The following HECW1 variants were observed in gnomAD, a reference collection of about 807,000 sequenced individuals.
The protein encoded by HECW1 is HECT, C2 and WW domain containing E3 ubiquitin protein ligase 1.
A neutral mutation model predicts 182.3 loss-of-function variants in HECW1; 61 were observed. The observed-to-expected ratio is 0.33, with a 90% CI of 0.27 to 0.41. HECW1 has a LOEUF of 0.41. HECW1 is among the 10% of genes least tolerant of loss of function. The pLI, the probability that HECW1 is intolerant of heterozygous loss-of-function variation, is 1.00. For missense variants in HECW1, 1,739 were observed against 2,108.9 expected, an observed-to-expected ratio of 0.82 and a Z score of 3.44; for synonymous variants, 859 against 832.6, an observed-to-expected ratio of 1.03 and a Z score of -0.55.
intron 2 of HECW1, among the ~76,000 whole-genome samples, chr7:43,185,536 G>A (rs1793319530): frequency 6.6e-6 from 1 of 152,176 alleles, no homozygotes; most frequent in Non-Finnish European, 1.5e-5. Context: ...AATTGAATCG[G>A]AGGACACCCA....
At chr7:43,465,497 GGGTT>G (rs2077733480) in intron 14 of HECW1, among the ~76,000 whole-genome samples, 1 of 152,220 alleles carries the variant, frequency 6.6e-6, no homozygotes, top group Non-Finnish European at 1.5e-5. Context: ...GGCAGTGGCA[GGGTT>G]ACCAGAGAGT....
At chr7:43,450,667 T>A (rs771739416) in intron 11 of HECW1, among the ~76,000 whole-genome samples, 161 bp from the exon 12 acceptor site, 1 of 152,158 alleles carries the variant, frequency 6.6e-6, no homozygotes, top group Non-Finnish European at 1.5e-5. Context: ...ATTTCCCCCC[T>A]CACGAATGAC....
chr7:43,423,542 A>G (rs1322201823), intron 8 of HECW1, among the ~76,000 whole-genome samples: 1 of 152,152 alleles, frequency 6.6e-6, no homozygotes, highest in East Asian at 1.9e-4. Context: ...TCATTTTTCA[A>G]CTTCTGAGGA....
chr7:43,313,295 C>T (rs1218666881), intron 4 of HECW1, among the ~76,000 whole-genome samples: 1 of 150,652 alleles, frequency 6.6e-6, no homozygotes, highest in Non-Finnish European at 1.5e-5. Context: ...AAAGTAGATA[C>T]TATAGATTAA....
chr7:43,178,257 T>C (rs922861023), intron 2 of HECW1, among the ~76,000 whole-genome samples: 2 of 152,168 alleles, frequency 1.3e-5, no homozygotes, highest in Non-Finnish European at 2.9e-5. Context: ...CTGCCCGTCT[T>C]GGCCTCCCAA....
chr7:43,115,345 G>A (rs77082033), intron 2 of HECW1, among the ~76,000 whole-genome samples: 3,694 of 151,426 alleles, frequency 0.024, 123 homozygotes, highest in East Asian at 0.13. Flanking sequence ...TTGGTGGAGG[G>A]TTGGGGAAAA....
chr7:43,405,524 G>A (rs1562940045), intron 7 of HECW1, among the ~76,000 whole-genome samples: 3 of 152,288 alleles, frequency 2.0e-5, no homozygotes, highest in Admixed American at 6.5e-5. Context: ...GTGACAGCAC[G>A]TGGAAATGCT....
intron 6 of HECW1, among the ~76,000 whole-genome samples, chr7:43,378,275 T>C (rs1348233873): frequency 6.6e-6 from 1 of 152,212 alleles, no homozygotes; most frequent in Non-Finnish European, 1.5e-5. Context: ...TTAGCAAATA[T>C]GAGGTGATTT....
chr7:43,545,549 A>C (rs13243945), intron 26 of HECW1, among the ~76,000 whole-genome samples: 20,775 of 152,222 alleles, frequency 0.14, 1,615 homozygotes, highest in East Asian at 0.29. Context: ...TGATTTTCCA[A>C]AAACTTAACT....
At chr7:43,374,374 C>T (rs2074234896) in intron 6 of HECW1, among the ~76,000 whole-genome samples, 1 of 152,008 alleles carries the variant, frequency 6.6e-6, no homozygotes, top group African/African-American at 2.4e-5. Flanking sequence ...ACCTTTTGAC[C>T]AACAGTCACA....
chr7:43,467,198 T>G (rs915603866), intron 15 of HECW1, among the ~76,000 whole-genome samples: 32 of 152,260 alleles, frequency 2.1e-4, no homozygotes, highest in African/African-American at 7.0e-4. Flanking sequence ...GTTCCCATTT[T>G]GAGGAGCAAT....
intron 8 of HECW1, among the ~76,000 whole-genome samples, chr7:43,415,434 C>T (rs1213017428): frequency 1.1e-3 from 168 of 148,296 alleles, no homozygotes; most frequent in African/African-American, 4.0e-3. Context: ...GAGGGTAACC[C>T]GACCTTTCTC....
intron 23 of HECW1, 132 bp from the exon 24 acceptor site, chr7:43,508,837 C>T (rs2079719019): frequency 1.2e-6 from 1 of 858,316 alleles, no homozygotes; most frequent in Admixed American, 2.4e-5. Context: ...GGCATTCACT[C>T]CAAAGAGCAG....
intron 2 of HECW1, among the ~76,000 whole-genome samples, chr7:43,130,060 A>G (rs1786739620): frequency 6.6e-6 from 1 of 152,246 alleles, no homozygotes; most frequent in Non-Finnish European, 1.5e-5. Context: ...ATACATTGCA[A>G]TATGAAATCA....
intron 3 of HECW1, among the ~76,000 whole-genome samples, chr7:43,293,300 C>T (rs187663250): frequency 1.4e-4 from 22 of 151,848 alleles, no homozygotes; most frequent in African/African-American, 4.1e-4. Context: ...ACCCGAGCAG[C>T]GGTTCAAGGG....
chr7:43,486,752 T>C (rs949583686), intron 17 of HECW1, among the ~76,000 whole-genome samples: 7 of 152,230 alleles, frequency 4.6e-5, no homozygotes, highest in Non-Finnish European at 8.8e-5. Flanking sequence ...GGCACATCAC[T>C]GTATGAACAA....
At chr7:43,149,509 T>G (rs1789069970) in intron 2 of HECW1, among the ~76,000 whole-genome samples, 1 of 152,202 alleles carries the variant, frequency 6.6e-6, no homozygotes. Flanking sequence ...TAATGTGGGA[T>G]CTTGGATTGA....
chr7:43,221,345 C>T (rs1487994598), intron 2 of HECW1, among the ~76,000 whole-genome samples: 1 of 151,928 alleles, frequency 6.6e-6, no homozygotes, highest in Non-Finnish European at 1.5e-5. Context: ...ATATTTTGAT[C>T]TCTTTAGGCC....
chr7:43,124,630 G>A (rs1786011438), intron 2 of HECW1, among the ~76,000 whole-genome samples: 1 of 152,176 alleles, frequency 6.6e-6, no homozygotes, highest in Non-Finnish European at 1.5e-5. Flanking sequence ...CTTTTCAGGG[G>A]CTGTCCTCAG....
Sources: gnomAD v4.1 joint callset for allele counts (sites outside exome capture counted in the v4.1 genomes callset) on GRCh38, gnomAD v4.1.1 for gene constraint, MANE v1.5 for transcripts, NCBI Gene and HGNC (gene_info 2026-07-23, HGNC 2026-07-21) for gene names.